Variants in CFAP210 observed in about 807,000 individuals in gnomAD.
CFAP210 encodes cilia and flagella associated protein 210.
At chr2:169,660,075 T>C in the CFAP210 span, among the ~76,000 whole-genome samples, 1 of 148,512 alleles carries the variant, frequency 6.7e-6, no homozygotes. Context: ...GTAAATTTTG[T>C]TTATCTTTAA....
the CFAP210 span, chr2:169,661,159 C>T: frequency 5.4e-5 from 31 of 574,636 alleles, no homozygotes; most frequent in South Asian, 4.3e-4. Flanking sequence ...CTTTAATTTG[C>T]CTCCCAGTGG....
chr2:169,669,509 T>C, the CFAP210 span, among the ~76,000 whole-genome samples: 1 of 152,168 alleles, frequency 6.6e-6, no homozygotes. Context: ...AAGAGACTGA[T>C]ACAACAACCC....
At chr2:169,645,449 A>C in the CFAP210 span, 1 of 163,124 alleles carries the variant, frequency 6.1e-6, no homozygotes, top group Admixed American at 5.9e-5. Context: ...GTTTATTCAA[A>C]ATACCCAGTA....
the CFAP210 span, chr2:169,645,654 C>A: frequency 3.7e-6 from 2 of 543,688 alleles, no homozygotes; most frequent in South Asian, 2.6e-5. Context: ...TGTATTTTAC[C>A]ACAGTTAAAA....
the CFAP210 span, among the ~76,000 whole-genome samples, chr2:169,692,444 GCACACACACA>G: frequency 8.4e-5 from 12 of 143,666 alleles, no homozygotes; most frequent in Admixed American, 2.1e-4. Flanking sequence ...ACAGGCGCAC[GCACACACACA>G]CACACACACA....
the CFAP210 span, among the ~76,000 whole-genome samples, chr2:169,683,753 T>C: frequency 1.3e-4 from 20 of 152,142 alleles, no homozygotes; most frequent in Admixed American, 5.9e-4. Flanking sequence ...AAATCTTTAG[T>C]AGAGTTAACT....
At chr2:169,681,270 G>A in the CFAP210 span, 12 of 1,456,564 alleles carry the variant, frequency 8.2e-6, no homozygotes, top group African/African-American at 5.6e-5. Flanking sequence ...AAAGACTTAC[G>A]GGAACAGTTT....
At chr2:169,665,566 A>G in the CFAP210 span, among the ~76,000 whole-genome samples, 1 of 152,146 alleles carries the variant, frequency 6.6e-6, no homozygotes, top group East Asian at 1.9e-4. Context: ...TGCCAAGACA[A>G]TTGTAGATAA....
At chr2:169,660,086 A>G in the CFAP210 span, among the ~76,000 whole-genome samples, 75 of 151,864 alleles carry the variant, frequency 4.9e-4, 1 homozygote, top group African/African-American at 1.7e-3. Context: ...TTATCTTTAA[A>G]AAAAAAAAGA....
At chr2:169,655,341 T>C in the CFAP210 span, among the ~76,000 whole-genome samples, 1,313 of 152,264 alleles carry the variant, frequency 8.6e-3, 14 homozygotes, top group Middle Eastern at 0.041. Context: ...AGGTAAAAGT[T>C]GTTAGGGGCA....
chr2:169,668,055 C>T, the CFAP210 span, among the ~76,000 whole-genome samples: 2 of 152,238 alleles, frequency 1.3e-5, no homozygotes, highest in Non-Finnish European at 2.9e-5. Context: ...GCTTCATCTA[C>T]ACTGGAAATC....
At chr2:169,646,046 GT>G in the CFAP210 span, 1 of 1,613,668 alleles carries the variant, frequency 6.2e-7, no homozygotes, top group African/African-American at 1.3e-5. Flanking sequence ...TTTATTTGTT[GT>G]TTCCGATTCA....
chr2:169,687,007 C>T, the CFAP210 span, among the ~76,000 whole-genome samples: 2 of 152,122 alleles, frequency 1.3e-5, no homozygotes, highest in Admixed American at 1.3e-4. Context: ...ATGGTGGCAG[C>T]AACAGAAAAC....
the CFAP210 span, chr2:169,658,367 T>C: frequency 0.1 from 15,264 of 152,586 alleles, 969 homozygotes; most frequent in Middle Eastern, 0.19. Flanking sequence ...AATAGCAGAA[T>C]TGGCAGTTTT....
chr2:169,653,907 A>C, the CFAP210 span, among the ~76,000 whole-genome samples: 2 of 152,206 alleles, frequency 1.3e-5, no homozygotes, highest in African/African-American at 4.8e-5. Flanking sequence ...ATTTCTGACC[A>C]TCTACAAGAT....
At chr2:169,687,514 G>GAC in the CFAP210 span, among the ~76,000 whole-genome samples, 61,825 of 151,856 alleles carry the variant, frequency 0.41, 12,844 homozygotes, top group Non-Finnish European at 0.44. Context: ...AATCCAGCAG[G>GAC]AATCAAATTT....
the CFAP210 span, among the ~76,000 whole-genome samples, chr2:169,686,998 T>C: frequency 0.027 from 4,158 of 152,224 alleles, 79 homozygotes; most frequent in East Asian, 0.11. Flanking sequence ...ACTTCTTACA[T>C]GGTGGCAGCA....
chr2:169,691,197 C>A, the CFAP210 span, among the ~76,000 whole-genome samples: 1 of 151,976 alleles, frequency 6.6e-6, no homozygotes. Flanking sequence ...AGCTATTGAT[C>A]CCTCTAGTTA....
chr2:169,651,377 T>TGAGA, the CFAP210 span, among the ~76,000 whole-genome samples: 5 of 151,394 alleles, frequency 3.3e-5, no homozygotes, highest in African/African-American at 1.2e-4. Flanking sequence ...AGTGACAGAG[T>TGAGA]GAGACTCTAT....
Sources: allele counts gnomAD v4.1 joint callset (sites outside exome capture counted in the v4.1 genomes callset), GRCh38; gene constraint gnomAD v4.1.1; transcripts MANE v1.5; gene names NCBI Gene and HGNC (gene_info 2026-07-23, HGNC 2026-07-21).